LRP6: variants seen among roughly 807,000 people sequenced by gnomAD.
LRP6 encodes low-density lipoprotein receptor-related protein 6.
A neutral mutation model predicts 184.1 loss-of-function variants in LRP6; 43 were observed. The observed-to-expected ratio is 0.23, with a 90% CI of 0.18 to 0.30. The LOEUF (loss-of-function observed/expected upper bound fraction) is 0.30. Among genes scored for constraint, LRP6 ranks in the 10% least tolerant of loss-of-function variants. The pLI, the probability that LRP6 is intolerant of heterozygous loss-of-function variation, is 1.00. For missense variants in LRP6, 1,571 were observed against 2,005.3 expected (o/e 0.78, Z 4.14); for synonymous variants, 719 against 684.9 (o/e 1.05, Z -0.78).
intron 1 of LRP6, among the ~76,000 whole-genome samples, chr12:12,258,562 T>G (rs1180352064): frequency 6.6e-6 from 1 of 152,236 alleles, no homozygotes; most frequent in Non-Finnish European, 1.5e-5. Flanking sequence ...TGTGCAAACC[T>G]CTGGTACATG....
intron 1 of LRP6, among the ~76,000 whole-genome samples, chr12:12,266,462 G>C (rs1865765419): frequency 6.6e-6 from 1 of 152,106 alleles, no homozygotes; most frequent in Non-Finnish European, 1.5e-5. Flanking sequence ...CGATGTGTCC[G>C]GGGAAGGTCT....
rs1252268207 is a variant in LRP6 at position 12,119,988 on chromosome 12, AAAATATATATATATATATAT to A, written c.*1118_*1137del. ...TTACTCAGAAAACAAACAAACAAAC[AAAATATATATATATATATAT>A]ATATATATATATATATATATATATA... On this transcript the variant is annotated 3_prime_UTR_variant, in exon 23 of 23. Coordinates refer to ENST00000261349, the MANE Select transcript of LRP6 (RefSeq NM_002336.3). 5.2e-5 allele frequency: 5 copies of A among 97,046 alleles called. No homozygotes were observed. The highest frequency in any genetic ancestry group is 2.0e-4 in the African/African-American group (5 of 25,412). 6.0% of individuals were successfully genotyped at this position (97,046 alleles called of 1,614,324 possible).
At chr12:12,133,796 C>A (rs1177861227) in intron 17 of LRP6, among the ~76,000 whole-genome samples, 1 of 135,008 alleles carries the variant, frequency 7.4e-6, no homozygotes, top group East Asian at 2.2e-4. Context: ...CTAGGATTTG[C>A]CTCAAAGTAA....
intron 7 of LRP6, among the ~76,000 whole-genome samples, chr12:12,178,640 C>T (rs1863254772): frequency 6.6e-6 from 1 of 152,184 alleles, no homozygotes; most frequent in Non-Finnish European, 1.5e-5. Flanking sequence ...TAACCTTTGT[C>T]TCATCAGCAA....
chr12:12,131,756 T>C (rs981514783), intron 18 of LRP6, 65 bp downstream of exon 18: 72 of 1,360,694 alleles, frequency 5.3e-5, no homozygotes, highest in Non-Finnish European at 7.4e-5. Context: ...CAAGTAATAC[T>C]GAAGTTTAAA....
intron 2 of LRP6, among the ~76,000 whole-genome samples, chr12:12,243,852 G>C (rs528471991): frequency 4.6e-5 from 7 of 152,306 alleles, no homozygotes; most frequent in Middle Eastern, 3.4e-3. Context: ...CTGGGTTCAA[G>C]TGATTTTCGT....
chr12:12,127,891 G>A (rs1241685536), intron 19 of LRP6, among the ~76,000 whole-genome samples: 1 of 152,142 alleles, frequency 6.6e-6, no homozygotes, highest in Non-Finnish European at 1.5e-5. Context: ...ACATCTCTAA[G>A]TTACATAATA....
chr12:12,173,625 G>A (rs998996119), intron 7 of LRP6, among the ~76,000 whole-genome samples: 1 of 152,030 alleles, frequency 6.6e-6, no homozygotes, highest in Non-Finnish European at 1.5e-5. Flanking sequence ...CTCCAGGAGT[G>A]CACTACCACG....
At chr12:12,256,899 A>G (rs1041053352) in intron 1 of LRP6, among the ~76,000 whole-genome samples, 3 of 152,238 alleles carry the variant, frequency 2.0e-5, no homozygotes, top group Admixed American at 6.5e-5. Context: ...CACTCATTTG[A>G]AAGTATTTAA....
chr12:12,255,303 G>GAA (rs536708561), intron 1 of LRP6, among the ~76,000 whole-genome samples: 7 of 129,278 alleles, frequency 5.4e-5, no homozygotes, highest in African/African-American at 1.1e-4. Flanking sequence ...GCTGACTGCA[G>GAA]AAAAAAAAAA....
At chr12:12,207,460 G>A (rs939553653) in intron 2 of LRP6, among the ~76,000 whole-genome samples, 1 of 152,068 alleles carries the variant, frequency 6.6e-6, no homozygotes, top group African/African-American at 2.4e-5. Flanking sequence ...CCTGAACCTG[G>A]GAGGCAGAGG....
In LRP6 at chr12:12,156,711, A is replaced by G. The variant is rs185864448; in HGVS notation, c.2791+2118T>C. ...TGCTATTTTAGACCTCCCCTTACTC[A>G]TTCAACAGAGTTCATTTTTGAAACA... On this transcript the variant is annotated intron_variant, in intron 12 of 22. Transcript: ENST00000261349. Among the ~76,000 whole-genome samples the G allele has an allele frequency of 3.9e-5, 6 of 152,296 alleles. No individual in the cohort carries two copies. The South Asian group carries it at 1.0e-3, about 26-fold the overall frequency.
At chr12:12,166,721 C>A (rs1233975176) in intron 7 of LRP6, among the ~76,000 whole-genome samples, 2 of 152,200 alleles carry the variant, frequency 1.3e-5, no homozygotes, top group Non-Finnish European at 2.9e-5. Flanking sequence ...AATCTTTTCT[C>A]TTTCAGCTAT....
intron 1 of LRP6, among the ~76,000 whole-genome samples, chr12:12,261,105 A>G (rs568095630): frequency 1.3e-5 from 2 of 152,330 alleles, no homozygotes; most frequent in East Asian, 3.9e-4. Flanking sequence ...TTCCAATTAA[A>G]GCAAAGAAAA....
At chr12:12,133,981 C>A (rs1438421552) in intron 17 of LRP6, among the ~76,000 whole-genome samples, 2 of 151,642 alleles carry the variant, frequency 1.3e-5, no homozygotes, top group Non-Finnish European at 2.9e-5. Flanking sequence ...AGTACCAGAG[C>A]TTAACTCTTT....
At chr12:12,259,262 C>CAAAAA (rs535352023) in intron 1 of LRP6, among the ~76,000 whole-genome samples, 1 of 59,228 alleles carries the variant, frequency 1.7e-5, no homozygotes, top group East Asian at 6.0e-4. Flanking sequence ...GACTCCATCT[C>CAAAAA]AAAAAAAAAA....
chr12:12,136,130 T>C lies in LRP6; in HGVS notation c.3608-830A>G, dbSNP rs141050982. Among the ~76,000 whole-genome samples, 1,145 of 152,130 alleles carry C rather than the reference T, an allele frequency of 7.5e-3. 16 individuals are homozygous for C. Among genetic ancestry groups the C allele is most frequent in the African/African-American group, 0.027 (1,112 of 41,520 alleles). On this transcript the variant is annotated intron_variant, in intron 16 of 22. Transcript: ENST00000261349. ...TGAACCTGGGAGGCGGAGGTTACAG[T>C]GAGCCAAGATAGTGCCACTGCACTC...
At position 12,223,921 on chromosome 12, in the gene LRP6, GGTATCAGAATTGCA is replaced by G. The variant is rs1372951383; in HGVS notation, c.449+20327_449+20340del. Among the ~76,000 whole-genome samples the G allele has an allele frequency of 2.0e-5, 3 of 152,178 alleles. No individual in the cohort carries two copies. The East Asian group carries it at 5.8e-4, about 29-fold the overall frequency. On this transcript the variant is annotated intron_variant, in intron 2 of 22. Coordinates refer to ENST00000261349, the MANE Select transcript of LRP6 (RefSeq NM_002336.3). ...TAACTGTTTAGTATACATTACTAGA[GGTATCAGAATTGCA>G]GTATCAGAATTGTTAACTATACCTT...
At chr12:12,142,954 G>C (rs1408151473) in intron 15 of LRP6, among the ~76,000 whole-genome samples, 5 of 151,956 alleles carry the variant, frequency 3.3e-5, no homozygotes, top group Non-Finnish European at 7.4e-5. Flanking sequence ...ACTGTACTGG[G>C]GGACCCCAGC....
Sources: allele counts gnomAD v4.1 joint callset (sites outside exome capture counted in the v4.1 genomes callset), GRCh38; gene constraint gnomAD v4.1.1; transcripts MANE v1.5; gene names NCBI Gene and HGNC (gene_info 2026-07-23, HGNC 2026-07-21).